Variants in ATRN observed in about 807,000 individuals in gnomAD.
The protein encoded by ATRN is attractin, also known as attractin-2.
Under a neutral mutation model 178.7 loss-of-function variants are expected in ATRN, and 54 were observed. The observed-to-expected ratio is 0.30, with a 90% CI of 0.24 to 0.38. The LOEUF (loss-of-function observed/expected upper bound fraction) is 0.38. Ranked by LOEUF, ATRN falls within the 10% of genes least tolerant of loss-of-function variation. The pLI, the probability that ATRN is intolerant of heterozygous loss-of-function variation, is 1.00. For missense variants in ATRN, 1,443 were observed against 1,815.1 expected (o/e 0.79, Z 3.73); for synonymous variants, 636 against 663.0 (o/e 0.96, Z 0.63).
chr20:3,554,903 C>T (rs1225378859), intron 6 of ATRN, among the ~76,000 whole-genome samples: 1 of 149,558 alleles, frequency 6.7e-6, no homozygotes, highest in Non-Finnish European at 1.5e-5. Context: ...AGAAATCAGT[C>T]AGCAGTCAAC....
At chr20:3,630,325 A>C (rs1165962985) in intron 25 of ATRN, among the ~76,000 whole-genome samples, 3 of 152,166 alleles carry the variant, frequency 2.0e-5, no homozygotes, top group Non-Finnish European at 2.9e-5. Context: ...CCCAAGCTTC[A>C]GGGGAGCAGT....
At chr20:3,574,344 T>A (rs1420374016) in intron 12 of ATRN, among the ~76,000 whole-genome samples, 1 of 152,174 alleles carries the variant, frequency 6.6e-6, no homozygotes, top group African/African-American at 2.4e-5. Context: ...AGACCCTGTC[T>A]CTACCAAAAA....
chr20:3,616,489 G>A (rs1366937560), intron 24 of ATRN, among the ~76,000 whole-genome samples: 2 of 152,020 alleles, frequency 1.3e-5, no homozygotes, highest in African/African-American at 4.8e-5. Context: ...AGGAGCATGG[G>A]GGCGGGGGAA....
At chr20:3,629,869 T>C (rs1216420929) in intron 25 of ATRN, among the ~76,000 whole-genome samples, 2 of 152,194 alleles carry the variant, frequency 1.3e-5, no homozygotes, top group African/African-American at 4.8e-5. Flanking sequence ...TCATGCCGTC[T>C]CTGGACAAGC....
chr20:3,507,223 A>G (rs2085057755), intron 1 of ATRN, among the ~76,000 whole-genome samples: 1 of 151,726 alleles, frequency 6.6e-6, no homozygotes, highest in South Asian at 2.1e-4. Context: ...TGGCCAAGAT[A>G]GTGAAACCCT....
chr20:3,646,742 C>G lies in ATRN; in HGVS notation c.4185C>G (p.Ala1395=). The G allele has an allele frequency of 6.2e-7, 1 of 1,604,492 alleles. No homozygotes were observed. Among genetic ancestry groups the G allele is most frequent in the Non-Finnish European group, 8.5e-7 (1 of 1,175,282 alleles). ...PGQSGLAVAS[A]LVDISQQMPI... is the part of the protein sequence containing the mutation. The stretch of plus-strand genomic sequence containing the variant: ...CCCAAGGTCTTGCTGTGGCCAGCGC[C>G]CTGGTGGACATTTCTCAGCAGATGC... Residue 1395 remains alanine, a synonymous_variant, in exon 29 of 29, where the codon GCC becomes GCG. Coordinates refer to ENST00000262919, the MANE Select transcript of ATRN (RefSeq NM_139321.3).
At chr20:3,622,843 G>A (rs1212710395) in intron 24 of ATRN, among the ~76,000 whole-genome samples, 2 of 152,210 alleles carry the variant, frequency 1.3e-5, no homozygotes, top group Non-Finnish European at 2.9e-5. Context: ...TGAACATGGA[G>A]TGGTCCTGCT....
At position 3,549,270 on chromosome 20, in the gene ATRN, C is replaced by T. The variant is rs756629370; in HGVS notation, c.1044C>T (p.Val348=). The T allele has an allele frequency of 2.4e-5, 38 of 1,609,868 alleles. No homozygotes were observed. In the Admixed American group the frequency reaches 6.3e-4, roughly 27 times the overall value. Residue 348 remains valine, a synonymous_variant, in exon 6 of 29, where the codon GTC becomes GTT. Coordinates refer to ENST00000262919, the MANE Select transcript of ATRN (RefSeq NM_139321.3). ...KLPRASHKAV[V]NGNIMWVVGG... The stretch of plus-strand genomic sequence containing the variant: ...CCAGAGCATCTCATAAAGCTGTGGT[C>T]AATGGAAACATTATGTGGGTTGTTG...
intron 6 of ATRN, among the ~76,000 whole-genome samples, chr20:3,554,990 CTTTTTTTTTTTTTTT>C (rs536209701): frequency 1.5e-5 from 1 of 67,458 alleles, no homozygotes; most frequent in Non-Finnish European, 2.5e-5. Flanking sequence ...GACCTGACCT[CTTTTTTTTTTTTTTT>C]TTTTTTTTTT....
chr20:3,601,583 C>T (rs2086608217), intron 23 of ATRN, among the ~76,000 whole-genome samples: 1 of 151,650 alleles, frequency 6.6e-6, no homozygotes, highest in Non-Finnish European at 1.5e-5. Context: ...AGGATGAAGG[C>T]CAAGTGCTGT....
chr20:3,547,088 G>T (rs1231867215), intron 4 of ATRN, among the ~76,000 whole-genome samples, 196 bp from the exon 5 acceptor site: 1 of 152,158 alleles, frequency 6.6e-6, no homozygotes, highest in Non-Finnish European at 1.5e-5. Flanking sequence ...GGGTTGATTT[G>T]ATTTCATTAC....
At position 3,582,248 on chromosome 20, in the gene ATRN, G is replaced by A. The variant is rs1484550285; in HGVS notation, c.2658G>A (p.Glu886=). The stretch of plus-strand genomic sequence containing the variant: ...GTTTACTACAGTGGATGCCGTCTGA[G>A]CCCAGTGATGCTGGATTCTGTGGAA... ...TNSLLQWMPS[E]PSDAGFCGIL... The change falls in exon 16 of 29, where the codon GAG becomes GAA. Residue 886 remains glutamate, a synonymous_variant. Coordinates refer to ENST00000262919, the MANE Select transcript of ATRN (RefSeq NM_139321.3). 6.2e-7 allele frequency: 1 copy of A among 1,613,846 alleles called. No individual in the cohort carries two copies. The highest frequency in any genetic ancestry group is 1.7e-5 in the Admixed American group (1 of 60,016).
chr20:3,544,198 G>C (rs2085665116), intron 3 of ATRN, among the ~76,000 whole-genome samples: 3 of 152,112 alleles, frequency 2.0e-5, no homozygotes, highest in African/African-American at 7.2e-5. Flanking sequence ...TTTGCAGCTT[G>C]CTTCTCCCCC....
intron 1 of ATRN, among the ~76,000 whole-genome samples, chr20:3,492,331 C>CT (rs2084806700): frequency 6.6e-6 from 1 of 151,974 alleles, no homozygotes. Context: ...GATTGACATT[C>CT]TTAATAGTTA....
intron 1 of ATRN, among the ~76,000 whole-genome samples, chr20:3,533,850 G>A (rs941253397): frequency 6.6e-6 from 1 of 152,040 alleles, no homozygotes; most frequent in African/African-American, 2.4e-5. Flanking sequence ...AGATATGAGG[G>A]TGTTGCTGTG....
chr20:3,589,362 C>T (rs148741661), intron 18 of ATRN, among the ~76,000 whole-genome samples: 9 of 151,482 alleles, frequency 5.9e-5, no homozygotes, highest in Admixed American at 2.0e-4. Flanking sequence ...AACCTGTTAA[C>T]GATTTTTTTT....
chr20:3,604,375 T>C, intron 24 of ATRN, 113 bp downstream of exon 24: 1 of 1,255,904 alleles, frequency 8.0e-7, no homozygotes, highest in Non-Finnish European at 1.1e-6. Context: ...TGGCTTTGCC[T>C]TTGTAACGTG....
At chr20:3,503,850 A>T (rs958389249) in intron 1 of ATRN, among the ~76,000 whole-genome samples, 7 of 152,326 alleles carry the variant, frequency 4.6e-5, no homozygotes, top group Admixed American at 2.6e-4. Flanking sequence ...AAACCTAAGG[A>T]CCCAAGAAGC....
At chr20:3,587,893 TGG>T (rs1198035377) in intron 18 of ATRN, among the ~76,000 whole-genome samples, 3 of 152,232 alleles carry the variant, frequency 2.0e-5, no homozygotes, top group Admixed American at 6.5e-5. Context: ...TCACCCAGGC[TGG>T]AGCGCAGTGG....
Sources: allele counts gnomAD v4.1 joint callset (sites outside exome capture counted in the v4.1 genomes callset), GRCh38; gene constraint gnomAD v4.1.1; transcripts MANE v1.5; gene names NCBI Gene and HGNC (gene_info 2026-07-23, HGNC 2026-07-21).